NFIL3: variants seen among roughly 807,000 people sequenced by gnomAD.
NFIL3 encodes the protein nuclear factor, interleukin 3 regulated, also known as nuclear factor interleukin-3-regulated protein.
Under a neutral mutation model 10.0 loss-of-function variants are expected in NFIL3, and 5 were observed. The observed-to-expected ratio is 0.50, with a 90% CI of 0.26 to 1.06. The LOEUF is 1.06. Ranked by LOEUF, NFIL3 falls within the 50% of genes least tolerant of loss-of-function variation. The pLI is 0.13. For synonymous variants in NFIL3, 202 were observed against 206.5 expected, an observed-to-expected ratio of 0.98 and a Z score of 0.19; for missense variants, 436 against 547.6, an observed-to-expected ratio of 0.80 and a Z score of 2.03.
chr9:91,438,285 T>C, the NFIL3 span, among the ~76,000 whole-genome samples: 6 of 152,282 alleles, frequency 3.9e-5, no homozygotes, highest in East Asian at 3.9e-4. Context: ...TTCTTACAAA[T>C]TTGTTGGCCG....
chr9:91,439,114 A>G, the NFIL3 span, among the ~76,000 whole-genome samples: 7 of 152,304 alleles, frequency 4.6e-5, 1 homozygote, highest in South Asian at 2.1e-4. Context: ...TGGTTAACAG[A>G]CAATTTAAAA....
the NFIL3 span, among the ~76,000 whole-genome samples, chr9:91,453,823 C>T: frequency 6.6e-6 from 1 of 152,162 alleles, no homozygotes; most frequent in Admixed American, 6.5e-5. Flanking sequence ...TGAGATTTAT[C>T]TTTTTAGCTT....
the NFIL3 span, among the ~76,000 whole-genome samples, chr9:91,455,535 C>A: frequency 1.3e-5 from 2 of 151,960 alleles, no homozygotes; most frequent in East Asian, 1.9e-4. Flanking sequence ...CTTAAAAATT[C>A]TTTTTAAATC....
At chr9:91,426,730 G>A (rs1284472058), upstream of NFIL3, 1 of 152,178 alleles carries the variant, frequency 6.6e-6, no homozygotes, top group Non-Finnish European at 1.5e-5. Flanking sequence ...CTTGAGAACA[G>A]AATGACTAAA....
upstream of NFIL3, chr9:91,427,292 G>A (rs1833881894): frequency 6.6e-6 from 1 of 152,258 alleles, no homozygotes; most frequent in Non-Finnish European, 1.5e-5. Flanking sequence ...AGTCCTCTGA[G>A]TTCTACAGAG....
the NFIL3 span, among the ~76,000 whole-genome samples, chr9:91,458,570 T>A: frequency 2.0e-5 from 3 of 152,184 alleles, no homozygotes; most frequent in South Asian, 2.1e-4. Context: ...CCATTTTTTT[T>A]ATCATCTCAA....
upstream of NFIL3, among the ~76,000 whole-genome samples, chr9:91,425,332 A>G (rs890132824): frequency 1.3e-5 from 2 of 152,222 alleles, no homozygotes; most frequent in East Asian, 1.9e-4. Context: ...CCCTTCTTGC[A>G]CAGTTAATAT....
the NFIL3 span, among the ~76,000 whole-genome samples, chr9:91,466,087 G>A: frequency 2.0e-5 from 3 of 151,952 alleles, no homozygotes; most frequent in African/African-American, 4.8e-5. Flanking sequence ...GTTAGCCTGT[G>A]TCTTTGTGTT....
At chr9:91,469,342 G>T in the NFIL3 span, among the ~76,000 whole-genome samples, 14 of 152,202 alleles carry the variant, frequency 9.2e-5, no homozygotes, top group African/African-American at 2.9e-4. Flanking sequence ...GTCTGTTATT[G>T]GTGTATAGGA....
At chr9:91,452,947 G>A in the NFIL3 span, among the ~76,000 whole-genome samples, 1,043 of 152,146 alleles carry the variant, frequency 6.9e-3, 20 homozygotes, top group African/African-American at 0.023. Flanking sequence ...GTTCACGGCT[G>A]TAAGAACAAA....
chr9:91,463,480 G>C, the NFIL3 span, among the ~76,000 whole-genome samples: 1 of 151,510 alleles, frequency 6.6e-6, no homozygotes, highest in African/African-American at 2.4e-5. Context: ...GTAATATATA[G>C]AAGAATGTTG....
the NFIL3 span, among the ~76,000 whole-genome samples, chr9:91,430,431 G>T: frequency 3.4e-4 from 52 of 152,230 alleles, no homozygotes; most frequent in African/African-American, 1.2e-3. Context: ...CTTAGCAGGG[G>T]CCAGAAACTA....
rs749242698 is a variant in NFIL3 at position 91,410,186 on chromosome 9, T to A, written c.549A>T (p.Pro183=). The change falls in exon 2 of 2, where the codon CCA becomes CCT. Residue 183 remains proline (P), a synonymous_variant. Transcript: ENST00000297689. This position sits in a 1 kb window ranked among gnomAD's most constrained non-coding sequence, Gnocchi z 5.7. ...CTGAAACATCGGACAGCGAGCTTTG[T>A]GGAGAGTGTTTAATGACAGAAATAC... The part of the protein sequence containing the change: ...SSCISVIKHS[P]QSSLSDVSEV... 7 of 1,614,104 alleles carry A rather than the reference T, an allele frequency of 4.3e-6. No individual in the cohort carries two copies. In the Admixed American group the frequency reaches 1.0e-4, roughly 23 times the overall value.
At chr9:91,453,433 C>T in the NFIL3 span, among the ~76,000 whole-genome samples, 4,599 of 152,080 alleles carry the variant, frequency 0.03, 107 homozygotes, top group East Asian at 0.093. Flanking sequence ...GTAGGTTTTA[C>T]CTCATAAGCC....
chr9:91,461,903 T>C, the NFIL3 span, among the ~76,000 whole-genome samples: 1 of 152,120 alleles, frequency 6.6e-6, no homozygotes, highest in Non-Finnish European at 1.5e-5. Flanking sequence ...CTATAAAATA[T>C]ATTGGCAAGA....
At chr9:91,442,535 A>G in the NFIL3 span, among the ~76,000 whole-genome samples, 1 of 152,096 alleles carries the variant, frequency 6.6e-6, no homozygotes, top group East Asian at 1.9e-4. Context: ...GCCAAGGGCG[A>G]GCCAGGCGCA....
chr9:91,466,972 A>G, the NFIL3 span, among the ~76,000 whole-genome samples: 2 of 152,178 alleles, frequency 1.3e-5, no homozygotes, highest in Non-Finnish European at 2.9e-5. Context: ...TGAAGACTTT[A>G]AAAGAAAAAA....
the NFIL3 span, among the ~76,000 whole-genome samples, chr9:91,480,711 A>G: frequency 1.3e-5 from 2 of 152,252 alleles, no homozygotes; most frequent in East Asian, 1.9e-4. Context: ...ATTGAAATCT[A>G]TGGACCAAGA....
chr9:91,431,950 C>T, the NFIL3 span, among the ~76,000 whole-genome samples: 15 of 152,320 alleles, frequency 9.8e-5, no homozygotes, highest in East Asian at 1.9e-4. Context: ...TTGTCTTGGA[C>T]GCCTTTCCCT....
Sources: gnomAD v4.1 joint callset for allele counts (sites outside exome capture counted in the v4.1 genomes callset) on GRCh38, gnomAD v4.1.1 for gene constraint, Gnocchi (gnomAD v3.1) non-coding constraint, MANE v1.5 for transcripts, NCBI Gene and HGNC (gene_info 2026-07-23, HGNC 2026-07-21) for gene names.